Variants in SAMM50 observed in about 807,000 individuals in gnomAD.
SAMM50 encodes the protein sorting and assembly machinery component 50 homolog.
SAMM50 carries 47 observed loss-of-function variants against 66.9 expected under a neutral mutation model. That is an observed-to-expected ratio of 0.70 (90% confidence interval 0.56 to 0.90). SAMM50 has a LOEUF of 0.90. SAMM50 is among the 40% of genes least tolerant of loss of function. The pLI is 0.00. For synonymous variants in SAMM50, 191 were observed against 214.1 expected, an observed-to-expected ratio of 0.89 and a Z score of 0.94; for missense variants, 535 against 595.3, an observed-to-expected ratio of 0.90 and a Z score of 1.05.
chr22:43,970,905 G>A (rs992382299), intron 4 of SAMM50, among the ~76,000 whole-genome samples: 2 of 152,144 alleles, frequency 1.3e-5, no homozygotes, highest in African/African-American at 4.8e-5. Context: ...GGTGGCTCAC[G>A]CCTGTAATCC....
rs144232199 is a variant in SAMM50 at position 43,993,884 on chromosome 22, A to C, written c.1365-2454A>C. Among the ~76,000 whole-genome samples, 201 of 152,310 alleles carry C rather than the reference A, an allele frequency of 1.3e-3. 1 individual carries two copies. The highest frequency in any genetic ancestry group is 2.1e-3 in the Non-Finnish European group (146 of 68,024). On this transcript the variant is annotated intron_variant, in intron 14 of 14. Coordinates refer to ENST00000350028, the MANE Select transcript of SAMM50 (RefSeq NM_015380.5). ...TTCAGACATTCACAAAGAAGGAAACAGTTTTGAGATGTTTGCTTACTGTTA... is the reference window on the plus strand; with the variant it reads ...TTCAGACATTCACAAAGAAGGAAACCGTTTTGAGATGTTTGCTTACTGTTA...
chr22:43,981,330 T>G, intron 10 of SAMM50, 61 bp from the exon 11 acceptor site: 1 of 1,349,622 alleles, frequency 7.4e-7, no homozygotes, highest in Non-Finnish European at 1.1e-6. Context: ...TGCTAGTTGC[T>G]GATGTTCCTG....
chr22:43,982,659 A>G (rs1003263876), intron 11 of SAMM50, among the ~76,000 whole-genome samples: 36 of 152,186 alleles, frequency 2.4e-4, no homozygotes, highest in African/African-American at 8.4e-4. Context: ...TTTTTGAGAC[A>G]GAGTCTTACT....
chr22:43,976,508 A>G (rs947866689), intron 8 of SAMM50, among the ~76,000 whole-genome samples: 6 of 152,096 alleles, frequency 3.9e-5, no homozygotes, highest in Admixed American at 6.5e-5. Context: ...TGGGTGTTCA[A>G]CTCCCACGTA....
intron 12 of SAMM50, among the ~76,000 whole-genome samples, chr22:43,984,580 G>A (rs1465222943): frequency 6.6e-6 from 1 of 151,790 alleles, no homozygotes; most frequent in East Asian, 1.9e-4. Context: ...CAAAGTGCTG[G>A]GATTACAGGT....
In SAMM50 at chr22:43,983,263, C is replaced by G. The variant is rs928843303; in HGVS notation, c.1008-670C>G. Among the ~76,000 whole-genome samples, 1 of 152,144 alleles carries G rather than the reference C, an allele frequency of 6.6e-6. No individual in the cohort carries two copies. The highest frequency in any genetic ancestry group is 2.4e-5 in the African/African-American group (1 of 41,426). Reference sequence around the variant, plus strand: ...AAAGATTACACAGAATTTCTCTTGTCATTTAAATTCATTTTTTAGTAATTA... The same window carrying G: ...AAAGATTACACAGAATTTCTCTTGTGATTTAAATTCATTTTTTAGTAATTA... On this transcript the variant is annotated intron_variant, in intron 11 of 14. Coordinates refer to ENST00000350028, the MANE Select transcript of SAMM50 (RefSeq NM_015380.5). This position sits in a 1 kb window ranked among gnomAD's most constrained non-coding sequence, Gnocchi z 4.2.
chr22:43,955,636 G>A (rs752268968), intron 1 of SAMM50, 38 bp downstream of exon 1: 92 of 1,561,940 alleles, frequency 5.9e-5, no homozygotes, highest in Non-Finnish European at 7.4e-5. Flanking sequence ...CGAGGCCTCT[G>A]GGCCAGCAGG....
intron 14 of SAMM50, 183 bp from the exon 15 acceptor site, chr22:43,996,155 T>G (rs1473725074): frequency 7.0e-5 from 50 of 715,518 alleles, no homozygotes; most frequent in South Asian, 1.3e-4. Context: ...TGGTGAAGGT[T>G]CTTAACCAGC....
At chr22:43,967,296 C>A (rs1366370702) in intron 3 of SAMM50, among the ~76,000 whole-genome samples, 3 of 152,236 alleles carry the variant, frequency 2.0e-5, no homozygotes, top group Non-Finnish European at 4.4e-5. Flanking sequence ...GGCATTGCCA[C>A]AGCCGTCTCC....
rs1466982317 is a variant in SAMM50, at chr22:43,976,161, A to C, written c.755A>C (p.His252Pro). The C allele has an allele frequency of 6.2e-7, 1 of 1,606,184 alleles. No homozygotes were observed. The change falls in exon 8 of 15, where the codon CAT (histidine) becomes CCT (proline). Residue 252 changes from histidine (H) to proline (P), a missense_variant. Coordinates refer to ENST00000350028, the MANE Select transcript of SAMM50 (RefSeq NM_015380.5). ...ASFAVRKESG[H>P]SLKSSLSHAM... is the part of the protein sequence containing the mutation. Reference sequence around the variant, plus strand: ...TTTGCTGTTCGAAAAGAAAGCGGACATTCACTGAAATCATCTCTTTCGGTA... The same window carrying C: ...TTTGCTGTTCGAAAAGAAAGCGGACCTTCACTGAAATCATCTCTTTCGGTA...
At chr22:43,984,447 G>T (rs1385926540) in intron 12 of SAMM50, among the ~76,000 whole-genome samples, 3 of 151,308 alleles carry the variant, frequency 2.0e-5, no homozygotes, top group Non-Finnish European at 4.4e-5. Context: ...CAAGTAGCTG[G>T]GATTACAGGC....
At chr22:43,992,832 T>C (rs557029275) in intron 14 of SAMM50, among the ~76,000 whole-genome samples, 26 of 152,348 alleles carry the variant, frequency 1.7e-4, no homozygotes, top group Admixed American at 7.8e-4. Context: ...CAGGTTCCTG[T>C]GGGAGGTGTT....
intron 1 of SAMM50, among the ~76,000 whole-genome samples, chr22:43,956,053 G>C (rs2050117866): frequency 6.6e-6 from 1 of 152,024 alleles, no homozygotes; most frequent in Admixed American, 6.6e-5. Flanking sequence ...CCTGTCTACC[G>C]TGCAAAAGAC....
intron 4 of SAMM50, among the ~76,000 whole-genome samples, chr22:43,970,508 C>G (rs529865474): frequency 6.6e-6 from 1 of 152,172 alleles, no homozygotes; most frequent in Non-Finnish European, 1.5e-5. Context: ...GTGTTGTACA[C>G]GGCACTGCTC....
intron 1 of SAMM50, among the ~76,000 whole-genome samples, chr22:43,961,982 A>T (rs1022524401): frequency 1.3e-4 from 19 of 151,132 alleles, no homozygotes; most frequent in East Asian, 1.9e-4. Flanking sequence ...TCAAGTGATT[A>T]TGTGTGTGTG....
At chr22:43,973,092 G>C in intron 6 of SAMM50, 91 bp downstream of exon 6, 1 of 1,497,228 alleles carries the variant, frequency 6.7e-7, no homozygotes, top group Non-Finnish European at 9.1e-7. Context: ...GACAGAATCA[G>C]CTGCCACTTC....
intron 14 of SAMM50, among the ~76,000 whole-genome samples, chr22:43,993,515 T>C (rs1282832302): frequency 6.6e-6 from 1 of 152,240 alleles, no homozygotes; most frequent in African/African-American, 2.4e-5. Context: ...AAATATGGTT[T>C]ATTCCGGGAG....
At chr22:43,957,589 A>G (rs1051628542) in intron 1 of SAMM50, among the ~76,000 whole-genome samples, 1 of 151,974 alleles carries the variant, frequency 6.6e-6, no homozygotes, top group Admixed American at 6.6e-5. Flanking sequence ...CACCCAGCCA[A>G]TTTTTGTATT....
intron 12 of SAMM50, among the ~76,000 whole-genome samples, chr22:43,986,072 T>C (rs1363284750): frequency 1.8e-5 from 1 of 57,082 alleles, no homozygotes; most frequent in Non-Finnish European, 2.9e-5. Flanking sequence ...AGATGGAGTC[T>C]TGCTCTGTTG....
Sources: gnomAD v4.1 joint callset for allele counts (sites outside exome capture counted in the v4.1 genomes callset) on GRCh38, gnomAD v4.1.1 for gene constraint, Gnocchi (gnomAD v3.1) non-coding constraint, MANE v1.5 for transcripts, NCBI Gene and HGNC (gene_info 2026-07-23, HGNC 2026-07-21) for gene names.